Variants in MYO10 observed in about 807,000 individuals in gnomAD.
MYO10 encodes the protein myosin X.
Under a neutral mutation model 257.3 loss-of-function variants are expected in MYO10, and 133 were observed. That is an observed-to-expected ratio of 0.52 (90% CI 0.45 to 0.60). The LOEUF (loss-of-function observed/expected upper bound fraction) is 0.60, where lower values mean the gene tolerates loss of function less well. Ranked by LOEUF, MYO10 falls within the 20% of genes least tolerant of loss-of-function variation. MYO10 has a pLI of 0.00. For missense variants in MYO10, 2,399 were observed against 2,635.7 expected (o/e 0.91, Z 1.97); for synonymous variants, 1,104 against 1,028.6 (o/e 1.07, Z -1.40).
At chr5:16,812,060 A>C (rs1054884082) in intron 3 of MYO10, among the ~76,000 whole-genome samples, 3 of 152,144 alleles carry the variant, frequency 2.0e-5, no homozygotes, top group Non-Finnish European at 4.4e-5. Flanking sequence ...ACCCATTCCA[A>C]GGAAGGGGAC....
chr5:16,777,555 C>T (rs954936874), intron 9 of MYO10, among the ~76,000 whole-genome samples: 2 of 152,194 alleles, frequency 1.3e-5, no homozygotes, highest in Admixed American at 1.3e-4. Flanking sequence ...ATCTGAGGTG[C>T]ACTGAAACCA....
At position 16,749,402 on chromosome 5, in the gene MYO10, G is replaced by A. The variant is rs1286883975; in HGVS notation, c.1929+5426C>T. 5.9e-5 allele frequency among the ~76,000 whole-genome samples: 9 copies of A among 151,478 alleles called. No individual in the cohort carries two copies. The South Asian group carries it at 1.0e-3, about 18-fold the overall frequency. On this transcript the variant is annotated intron_variant, in intron 19 of 40. Coordinates refer to ENST00000513610, the MANE Select transcript of MYO10 (RefSeq NM_012334.3). ...CTTGGAAGGCTGAGGCAGGAGAATC[G>A]CTTGAACCCGGGAGGTGGAGGTTGC... is the stretch of plus-strand genomic sequence containing the variant.
intron 1 of MYO10, among the ~76,000 whole-genome samples, chr5:16,935,434 G>T (rs2126811832): frequency 6.6e-6 from 1 of 152,166 alleles, no homozygotes; most frequent in South Asian, 2.1e-4. Flanking sequence ...CATTTTATTG[G>T]GCTTCCTGCA....
chr5:16,893,013 G>A (rs1248265945), intron 1 of MYO10, among the ~76,000 whole-genome samples: 1 of 151,782 alleles, frequency 6.6e-6, no homozygotes, highest in Non-Finnish European at 1.5e-5. Flanking sequence ...GGCTAACACG[G>A]TGAAGCCCCA....
intron 35 of MYO10, among the ~76,000 whole-genome samples, chr5:16,674,613 T>C (rs1234595576): frequency 6.6e-6 from 1 of 151,752 alleles, no homozygotes; most frequent in Non-Finnish European, 1.5e-5. Context: ...ATTGATCCAA[T>C]GTCCTATACA....
At chr5:16,818,410 GTATATA>G (rs1178796616) in intron 2 of MYO10, among the ~76,000 whole-genome samples, 4 of 90,302 alleles carry the variant, frequency 4.4e-5, no homozygotes, top group South Asian at 6.7e-4. Context: ...GTGTGTGTGT[GTATATA>G]TATATATATA....
At chr5:16,794,891 C>A in intron 3 of MYO10, 58 bp from the exon 4 acceptor site, 5 of 1,306,100 alleles carry the variant, frequency 3.8e-6, no homozygotes, top group Non-Finnish European at 3.0e-6. Flanking sequence ...ACTGGATGAG[C>A]TCCAACAAAA....
intron 1 of MYO10, chr5:16,902,766 T>C (rs1332968577): frequency 1.5e-6 from 1 of 648,850 alleles, no homozygotes; most frequent in Non-Finnish European, 2.7e-6. Context: ...CGTCCCAAAG[T>C]GCCGGGATTA....
chr5:16,738,890 C>CAAAAAA (rs36039787), intron 19 of MYO10, among the ~76,000 whole-genome samples: 1 of 74,198 alleles, frequency 1.3e-5, no homozygotes, highest in East Asian at 4.0e-4. Context: ...GACTCCATCT[C>CAAAAAA]AAAAAAAAAA....
chr5:16,917,512 C>G (rs1253779448), intron 1 of MYO10, among the ~76,000 whole-genome samples: 2 of 151,920 alleles, frequency 1.3e-5, no homozygotes, highest in Admixed American at 6.6e-5. Flanking sequence ...TCTAAATATC[C>G]CCGGTGAGGC....
At chr5:16,768,553 T>A (rs73053040) in intron 10 of MYO10, among the ~76,000 whole-genome samples, 380 of 152,112 alleles carry the variant, frequency 2.5e-3, no homozygotes, top group African/African-American at 8.9e-3. Flanking sequence ...GCTATCCCAA[T>A]TGACTAGTAA....
intron 33 of MYO10, among the ~76,000 whole-genome samples, chr5:16,679,299 G>A (rs1335235971): frequency 6.6e-6 from 1 of 152,130 alleles, no homozygotes; most frequent in African/African-American, 2.4e-5. Flanking sequence ...AAAGCAGGTG[G>A]TCCCCCACGC....
chr5:16,801,047 G>C (rs33406), intron 3 of MYO10, among the ~76,000 whole-genome samples: 2,040 of 152,192 alleles, frequency 0.013, 50 homozygotes, highest in African/African-American at 0.047. Context: ...GCCTGCCTCA[G>C]ATGTGTGACG....
At chr5:16,825,794 TG>T (rs1742982334) in intron 2 of MYO10, among the ~76,000 whole-genome samples, 1 of 152,144 alleles carries the variant, frequency 6.6e-6, no homozygotes, top group Non-Finnish European at 1.5e-5. Flanking sequence ...CATTGCAATT[TG>T]CTGAGATCAC....
intron 3 of MYO10, among the ~76,000 whole-genome samples, chr5:16,811,160 A>C (rs1402461497): frequency 5.9e-4 from 88 of 149,142 alleles, no homozygotes; most frequent in African/African-American, 2.1e-3. Flanking sequence ...AGCTGATGGT[A>C]AGTGGGGGGG....
chr5:16,756,859 G>C (rs1277775242), intron 18 of MYO10, among the ~76,000 whole-genome samples: 2 of 152,208 alleles, frequency 1.3e-5, no homozygotes, highest in East Asian at 3.9e-4. Context: ...CCAGCACTTT[G>C]GGAGGCTGAG....
At chr5:16,733,002 C>A (rs1322923128) in intron 19 of MYO10, among the ~76,000 whole-genome samples, 1 of 152,056 alleles carries the variant, frequency 6.6e-6, no homozygotes, top group African/African-American at 2.4e-5. Flanking sequence ...GGCATGGTAG[C>A]GGGTGCCTGT....
At chr5:16,843,505 C>A (rs561492290) in intron 2 of MYO10, among the ~76,000 whole-genome samples, 1 of 152,264 alleles carries the variant, frequency 6.6e-6, no homozygotes, top group Non-Finnish European at 1.5e-5. Context: ...AGTTAGTAAG[C>A]AGCAGGCAGG....
intron 1 of MYO10, among the ~76,000 whole-genome samples, chr5:16,920,424 T>C (rs975275597): frequency 5.9e-5 from 9 of 152,202 alleles, no homozygotes; most frequent in Non-Finnish European, 1.0e-4. Flanking sequence ...CAAAAGAATA[T>C]GTACTGATCG....
Sources: allele counts gnomAD v4.1 joint callset (sites outside exome capture counted in the v4.1 genomes callset), GRCh38; gene constraint gnomAD v4.1.1; transcripts MANE v1.5; gene names NCBI Gene and HGNC (gene_info 2026-07-23, HGNC 2026-07-21).